MYO3B: variants seen among roughly 807,000 people sequenced by gnomAD.
MYO3B encodes the protein myosin IIIB, also known as myosin-IIIb.
A neutral mutation model predicts 174.6 loss-of-function variants in MYO3B; 156 were observed. The observed-to-expected ratio is 0.89, with a 90% CI of 0.78 to 1.02. The LOEUF (loss-of-function observed/expected upper bound fraction) is 1.02. MYO3B is among the 50% of genes least tolerant of loss of function. MYO3B has a pLI of 0.00. For synonymous variants in MYO3B, 563 were observed against 569.1 expected (o/e 0.99, Z 0.15); for missense variants, 1,632 against 1,639.4 (o/e 1.00, Z 0.08).
chr2:170,451,131 C>T (rs13427969), intron 23 of MYO3B, among the ~76,000 whole-genome samples: 1,775 of 152,336 alleles, frequency 0.012, 31 homozygotes, highest in African/African-American at 0.04. Context: ...ACCAAAACCA[C>T]ATTCTACTTT....
chr2:170,576,914 A>C (rs894620334), intron 32 of MYO3B, among the ~76,000 whole-genome samples: 3 of 152,146 alleles, frequency 2.0e-5, no homozygotes, highest in African/African-American at 7.2e-5. Flanking sequence ...ACTATTAGAC[A>C]TGCAAGTACT....
At chr2:170,648,781 T>C (rs1698605844) in intron 32 of MYO3B, among the ~76,000 whole-genome samples, 1 of 108,634 alleles carries the variant, frequency 9.2e-6, no homozygotes, top group South Asian at 2.8e-4. Flanking sequence ...ATATTCTATG[T>C]ATTCTATAAT....
At chr2:170,492,301 G>GT (rs1315660325) in intron 25 of MYO3B, among the ~76,000 whole-genome samples, 14 of 152,210 alleles carry the variant, frequency 9.2e-5, no homozygotes, top group Non-Finnish European at 4.4e-5. Context: ...GAATATGCCA[G>GT]TTAGTACTCT....
chr2:170,308,975 A>G (rs1559376506), intron 7 of MYO3B, among the ~76,000 whole-genome samples: 1 of 152,240 alleles, frequency 6.6e-6, no homozygotes, highest in Non-Finnish European at 1.5e-5. Flanking sequence ...CCTCTGTATC[A>G]GAATCTTATT....
intron 32 of MYO3B, among the ~76,000 whole-genome samples, chr2:170,569,097 A>C (rs1305115631): frequency 6.9e-6 from 1 of 145,696 alleles, no homozygotes; most frequent in Non-Finnish European, 1.5e-5. Flanking sequence ...AAATACAATA[A>C]ATTTATAAAA....
chr2:170,466,084 T>G (rs758134220), intron 24 of MYO3B, among the ~76,000 whole-genome samples: 2 of 152,214 alleles, frequency 1.3e-5, no homozygotes, highest in African/African-American at 2.4e-5. Flanking sequence ...ACCAATCGTA[T>G]CTGTAGGATT....
At chr2:170,288,981 C>T (rs975459859) in intron 7 of MYO3B, among the ~76,000 whole-genome samples, 1 of 151,960 alleles carries the variant, frequency 6.6e-6, no homozygotes, top group Non-Finnish European at 1.5e-5. Flanking sequence ...GGTTTTTGTT[C>T]TCAATTCTGT....
intron 7 of MYO3B, among the ~76,000 whole-genome samples, chr2:170,278,047 G>A (rs1254545059): frequency 6.6e-5 from 10 of 152,130 alleles, no homozygotes. Flanking sequence ...GAGAGACTGT[G>A]GATAGTTTAT....
chr2:170,346,729 C>T (rs993872982), intron 8 of MYO3B, among the ~76,000 whole-genome samples: 1 of 152,150 alleles, frequency 6.6e-6, no homozygotes, highest in African/African-American at 2.4e-5. Flanking sequence ...TAAATATATA[C>T]TGTACATTAA....
At chr2:170,274,197 A>G (rs1341106607) in intron 7 of MYO3B, among the ~76,000 whole-genome samples, 1 of 152,146 alleles carries the variant, frequency 6.6e-6, no homozygotes, top group Non-Finnish European at 1.5e-5. Context: ...AGAGAGAAAG[A>G]CAGAGACCAA....
intron 22 of MYO3B, among the ~76,000 whole-genome samples, chr2:170,426,131 T>G (rs2094658664): frequency 6.6e-6 from 1 of 151,926 alleles, no homozygotes; most frequent in African/African-American, 2.4e-5. Flanking sequence ...ATTCTCTTTT[T>G]CCTTTTGCTC....
intron 8 of MYO3B, among the ~76,000 whole-genome samples, chr2:170,357,627 T>G (rs1461834139): frequency 6.6e-6 from 1 of 152,080 alleles, no homozygotes; most frequent in Non-Finnish European, 1.5e-5. Flanking sequence ...AAGCACCTAT[T>G]GTTTTAAGGT....
chr2:170,637,763 C>G lies in MYO3B; in HGVS notation c.3734-13865C>G, dbSNP rs1861290. The stretch of plus-strand genomic sequence containing the variant: ...AAAGCTTTGTGCTGCCCTACTTGTA[C>G]AAACGTCTTAATGTTTACTGGATAG... On this transcript the variant is annotated intron_variant, in intron 32 of 34. Coordinates refer to ENST00000408978, the MANE Select transcript of MYO3B (RefSeq NM_138995.5). Among the ~76,000 whole-genome samples, 273 of 152,150 alleles carry G rather than the reference C, an allele frequency of 1.8e-3. 1 individual carries two copies. Among genetic ancestry groups the G allele is most frequent in the African/African-American group, 4.4e-3 (183 of 41,520 alleles).
At chr2:170,275,662 T>C (rs753314364) in intron 7 of MYO3B, among the ~76,000 whole-genome samples, 1 of 152,188 alleles carries the variant, frequency 6.6e-6, no homozygotes, top group Non-Finnish European at 1.5e-5. Flanking sequence ...TTGTTTTGAC[T>C]TCTAAGATAC....
At chr2:170,186,577 A>G (rs1593240) in intron 1 of MYO3B, among the ~76,000 whole-genome samples, 64,568 of 151,924 alleles carry the variant, frequency 0.43, 15,067 homozygotes, top group East Asian at 0.56. Context: ...ATTAGCCTGT[A>G]GTTTCCTTTT....
intron 7 of MYO3B, among the ~76,000 whole-genome samples, chr2:170,241,130 G>GT (rs11435234): frequency 0.55 from 80,705 of 145,984 alleles, 22,150 homozygotes; most frequent in East Asian, 0.71. Context: ...TTATTTATTT[G>GT]TTTTTTTTTT....
Position 170,600,003 on chromosome 2 carries a change from TC to T in MYO3B, c.3734-51623del, listed in dbSNP as rs1437615134. ...GCCATAATTGTTGATTATTTTCCCTTCCTGGAGATCTTGCCTTGCTTCTTAT... is the reference window on the plus strand; with the variant it reads ...GCCATAATTGTTGATTATTTTCCCTTCTGGAGATCTTGCCTTGCTTCTTAT... On this transcript the variant is annotated intron_variant, in intron 32 of 34. Coordinates refer to ENST00000408978, the MANE Select transcript of MYO3B (RefSeq NM_138995.5). 6.2e-4 allele frequency among the ~76,000 whole-genome samples: 94 copies of T among 152,314 alleles called. 1 individual carries two copies. Among genetic ancestry groups the T allele is most frequent in the Non-Finnish European group, 2.9e-5 (2 of 68,030 alleles).
At chr2:170,404,086 A>C (rs1390877673) in intron 19 of MYO3B, among the ~76,000 whole-genome samples, 161 bp from the exon 20 acceptor site, 1 of 152,196 alleles carries the variant, frequency 6.6e-6, no homozygotes, top group South Asian at 2.1e-4. Flanking sequence ...CACAGCTTTA[A>C]TGGTGTTATA....
intron 28 of MYO3B, among the ~76,000 whole-genome samples, chr2:170,507,403 C>A (rs1340974261): frequency 6.6e-6 from 1 of 151,830 alleles, no homozygotes; most frequent in East Asian, 1.9e-4. Flanking sequence ...CTTTCTTTTT[C>A]TTTTTCTTTT....
Sources: gnomAD v4.1 joint callset for allele counts (sites outside exome capture counted in the v4.1 genomes callset) on GRCh38, gnomAD v4.1.1 for gene constraint, MANE v1.5 for transcripts, NCBI Gene and HGNC (gene_info 2026-07-23, HGNC 2026-07-21) for gene names.